SLC12A1: variants seen among roughly 807,000 people sequenced by gnomAD.
SLC12A1 encodes Na-K-2Cl cotransporter.
SLC12A1 carries 89 observed loss-of-function variants against 130.4 expected under a neutral mutation model. The ratio of observed to expected loss-of-function variants is 0.68; its 90% CI spans 0.58 to 0.81. The LOEUF is 0.81. Among genes scored for constraint, SLC12A1 ranks in the 40% least tolerant of loss-of-function variants. The pLI, the probability that SLC12A1 is intolerant of heterozygous loss-of-function variation, is 0.00. For missense variants in SLC12A1, 1,310 were observed against 1,336.4 expected (o/e 0.98, Z 0.31); for synonymous variants, 499 against 460.0 (o/e 1.08, Z -1.09).
At chr15:48,298,641 C>T (rs942669535) in intron 24 of SLC12A1, among the ~76,000 whole-genome samples, 9 of 152,292 alleles carry the variant, frequency 5.9e-5, no homozygotes, top group East Asian at 3.9e-4. Context: ...TACCTGCCCG[C>T]GGCCTCCTGC....
Position 48,207,885 on chromosome 15 carries a change from A to G in SLC12A1, c.166A>G (p.Lys56Glu). ...EETSFGDEAQ[K>E]RLRISFRPGN... ...AACCTCTTTTGGGGATGAAGCTCAGAAAAGACTCAGAATCAGCTTTAGGCC... is the reference window on the plus strand; with the variant it reads ...AACCTCTTTTGGGGATGAAGCTCAGGAAAGACTCAGAATCAGCTTTAGGCC... The change falls in exon 2 of 27, where the codon AAA becomes GAA. Residue 56 changes from lysine to glutamate, a missense_variant. By Grantham distance (56) the Lys-to-Glu change is moderately conservative. Transcript: ENST00000380993. 6.2e-7 allele frequency: 1 copy of G among 1,614,034 alleles called. No homozygotes were observed. Among genetic ancestry groups the G allele is most frequent in the Non-Finnish European group, 8.5e-7 (1 of 1,179,898 alleles).
intron 24 of SLC12A1, among the ~76,000 whole-genome samples, chr15:48,294,347 C>CAA (rs1202623612): frequency 0.062 from 2,862 of 46,254 alleles, 56 homozygotes; most frequent in African/African-American, 0.11. Context: ...GACTACATCT[C>CAA]AAAAAAAAAA....
intron 13 of SLC12A1, among the ~76,000 whole-genome samples, chr15:48,248,220 A>ATCAT (rs2041605799): frequency 6.6e-6 from 1 of 152,232 alleles, no homozygotes; most frequent in Non-Finnish European, 1.5e-5. Flanking sequence ...AGGGCTCCTC[A>ATCAT]TCATTACATA....
At chr15:48,259,451 T>C (rs1277883484) in intron 17 of SLC12A1, 140 bp downstream of exon 17, 10 of 680,754 alleles carry the variant, frequency 1.5e-5, no homozygotes, top group South Asian at 1.0e-4. Context: ...CCTTGATTCA[T>C]AGAGCAAGGA....
intron 15 of SLC12A1, among the ~76,000 whole-genome samples, chr15:48,253,385 C>G (rs1439993294): frequency 6.6e-6 from 1 of 152,210 alleles, no homozygotes; most frequent in Admixed American, 6.5e-5. Context: ...GCTTTTCTGA[C>G]GTCTGATCCT....
chr15:48,209,238 T>C (rs1305849792), intron 2 of SLC12A1, among the ~76,000 whole-genome samples: 1 of 152,180 alleles, frequency 6.6e-6, no homozygotes, highest in East Asian at 1.9e-4. Flanking sequence ...CTAATTTTTT[T>C]GTATTTTTAG....
chr15:48,279,987 G>A (rs1251549893), intron 20 of SLC12A1, among the ~76,000 whole-genome samples: 1 of 151,964 alleles, frequency 6.6e-6, no homozygotes, highest in Non-Finnish European at 1.5e-5. Flanking sequence ...ATTGACCAAG[G>A]AAAGAATTAC....
chr15:48,293,857 C>G (rs977062906), intron 24 of SLC12A1, among the ~76,000 whole-genome samples: 1 of 151,690 alleles, frequency 6.6e-6, no homozygotes, highest in African/African-American at 2.4e-5. Context: ...GCAGCCTAGG[C>G]AACATAGCAA....
chr15:48,288,724 T>C (rs1051055608), intron 23 of SLC12A1, among the ~76,000 whole-genome samples: 1 of 152,206 alleles, frequency 6.6e-6, no homozygotes, highest in Non-Finnish European at 1.5e-5. Flanking sequence ...TCTTATCCTC[T>C]GTCACAAATG....
chr15:48,274,705 T>C (rs2041932533), intron 20 of SLC12A1, 52 bp downstream of exon 20: 1 of 1,263,494 alleles, frequency 7.9e-7, no homozygotes. Flanking sequence ...ACCTACTTTG[T>C]GCCTGACATT....
intron 20 of SLC12A1, among the ~76,000 whole-genome samples, chr15:48,275,173 G>C (rs974689853): frequency 6.6e-6 from 1 of 152,102 alleles, no homozygotes; most frequent in Non-Finnish European, 1.5e-5. Flanking sequence ...TGGTATATTT[G>C]CTTAGTCTTA....
chr15:48,290,434 C>T (rs147986210), intron 23 of SLC12A1, among the ~76,000 whole-genome samples: 1 of 152,112 alleles, frequency 6.6e-6, no homozygotes, highest in African/African-American at 2.4e-5. Flanking sequence ...AACACATAAC[C>T]AGTAACAGTC....
In SLC12A1 at chr15:48,220,627, A is replaced by T; in HGVS notation, c.421-7A>T. 1 of 1,612,110 alleles carries T rather than the reference A, an allele frequency of 6.2e-7. No homozygotes were observed. Among genetic ancestry groups the T allele is most frequent in the Non-Finnish European group, 8.5e-7 (1 of 1,178,894 alleles). On this transcript the variant is annotated splice_polypyrimidine_tract_variant and splice_region_variant and intron_variant, in intron 2 of 26. Transcript: ENST00000380993. ...ACTACTGTGTTTTTGCTATCTATAA[A>T]ATGCAGAATGTGGCAGTCACCCCAA...
intron 5 of SLC12A1, chr15:48,226,887 T>C (rs1448365662): frequency 3.4e-6 from 2 of 594,714 alleles, no homozygotes; most frequent in East Asian, 5.6e-5. Context: ...GATTCCAGAT[T>C]TGGCTTCTGT....
At chr15:48,206,423 T>C (rs1353964076) in intron 1 of SLC12A1, 93 bp downstream of exon 1, 1 of 152,182 alleles carries the variant, frequency 6.6e-6, no homozygotes, top group Non-Finnish European at 1.5e-5. Flanking sequence ...TCAAGGACTA[T>C]GAAGAGAAGT....
intron 15 of SLC12A1, among the ~76,000 whole-genome samples, chr15:48,252,534 A>C (rs542904491): frequency 6.6e-6 from 1 of 152,324 alleles, no homozygotes; most frequent in Non-Finnish European, 1.5e-5. Context: ...CAATATAGTA[A>C]CCACTATGAG....
At chr15:48,246,772 T>A in intron 11 of SLC12A1, 137 bp from the exon 12 acceptor site, 1 of 698,340 alleles carries the variant, frequency 1.4e-6, no homozygotes, top group Non-Finnish European at 2.5e-6. Flanking sequence ...AGAGCGAGAC[T>A]GTCTCAAACA....
intron 16 of SLC12A1, among the ~76,000 whole-genome samples, chr15:48,257,441 G>T (rs1035401713): frequency 6.6e-6 from 1 of 152,172 alleles, no homozygotes; most frequent in Non-Finnish European, 1.5e-5. Context: ...CCCTAGCAGA[G>T]GTTCTCCATG....
At position 48,255,880 on chromosome 15, in the gene SLC12A1, C is replaced by A; in HGVS notation, c.2012C>A (p.Thr671Asn). The change falls in exon 16 of 27, where the codon ACC becomes AAC. Residue 671 changes from threonine (T) to asparagine (N), a missense_variant. Thr to Asn is a moderately conservative substitution (Grantham distance 65). Transcript: ENST00000380993. ...GCTTTAGACAATGCTCTGGAATTAA[C>A]CACAGTGGAAGACCACGTAAAAAAC... ...VSALDNALEL[T>N]TVEDHVKNFR... 1 of 1,603,012 alleles carries A rather than the reference C, an allele frequency of 6.2e-7. No individual in the cohort carries two copies. The highest frequency in any genetic ancestry group is 8.5e-7 in the Non-Finnish European group (1 of 1,174,450).
Sources: allele counts gnomAD v4.1 joint callset (sites outside exome capture counted in the v4.1 genomes callset), GRCh38; gene constraint gnomAD v4.1.1; transcripts MANE v1.5; gene names NCBI Gene and HGNC (gene_info 2026-07-23, HGNC 2026-07-21).